SGK1: variants seen among roughly 807,000 people sequenced by gnomAD.
SGK1 encodes serum/glucocorticoid regulated kinase 1, also known as serine/threonine-protein kinase Sgk1.
SGK1 carries 26 observed loss-of-function variants against 64.2 expected under a neutral mutation model. The observed-to-expected ratio is 0.40, with a 90% CI of 0.30 to 0.56. The LOEUF is 0.56. SGK1 is among the 20% of genes least tolerant of loss of function. SGK1 has a pLI of 0.38. For synonymous variants in SGK1, 265 were observed against 239.7 expected (o/e 1.11, Z -0.98); for missense variants, 519 against 645.6 (o/e 0.80, Z 2.12).
intron 4 of SGK1, 25 bp downstream of exon 4, chr6:134,174,486 T>C: frequency 1.3e-6 from 2 of 1,575,586 alleles, no homozygotes; most frequent in East Asian, 2.2e-5. Context: ...ATACTAGTTA[T>C]TTCCTCAAAT....
Position 134,173,297 on chromosome 6 carries a change from T to C in SGK1, c.679A>G (p.Lys227Glu), listed in dbSNP as rs1775092093. The C allele has an allele frequency of 2.5e-6, 4 of 1,613,796 alleles. No homozygotes were observed. The highest frequency in any genetic ancestry group is 3.4e-6 in the Non-Finnish European group (4 of 1,179,648). The change falls in exon 7 of 14, where the codon AAA (lysine) becomes GAA (glutamate). Residue 227 changes from lysine to glutamate, a missense_variant. By Grantham distance (56) the Lys-to-Glu change is moderately conservative. Coordinates refer to ENST00000367858, the MANE Select transcript of SGK1 (RefSeq NM_001143676.3). ...VFYAVKVLQK[K>E]AILKKKEEKH... is the part of the protein sequence containing the mutation. ...ACCTCTTTCTTTTTCAGGATTGCTT[T>C]CTTCTGTAAAACTTTGACTGCATAG...
At chr6:134,218,461 T>G (rs1159647665) in intron 2 of SGK1, among the ~76,000 whole-genome samples, 1 of 135,912 alleles carries the variant, frequency 7.4e-6, no homozygotes, top group African/African-American at 2.7e-5. Flanking sequence ...TTTGAGAGAG[T>G]CTGGCTCTGT....
intron 2 of SGK1, among the ~76,000 whole-genome samples, chr6:134,219,975 C>T (rs1377053297): frequency 4.7e-5 from 6 of 128,946 alleles, no homozygotes; most frequent in African/African-American, 1.2e-4. Flanking sequence ...AGGAGAATGG[C>T]GTTAACCCGG....
At chr6:134,206,383 ATTTTTTTTTTTTTTTTTTT>A (rs869072819) in intron 3 of SGK1, among the ~76,000 whole-genome samples, 2 of 16,614 alleles carry the variant, frequency 1.2e-4, no homozygotes, top group African/African-American at 3.8e-4. Flanking sequence ...ATATATATAT[ATTTTTTTTTTTTTTTTTTT>A]TTTTTAAATG....
chr6:134,271,779 G>A (rs1442650993), intron 1 of SGK1, among the ~76,000 whole-genome samples: 2 of 147,724 alleles, frequency 1.4e-5, no homozygotes, highest in Non-Finnish European at 3.0e-5. Context: ...TCACCCTCCA[G>A]TAGACCCCAG....
At chr6:134,197,188 G>A (rs374664010) in intron 3 of SGK1, among the ~76,000 whole-genome samples, 23 of 152,206 alleles carry the variant, frequency 1.5e-4, no homozygotes, top group Middle Eastern at 6.8e-3. Context: ...AGCCGTGATC[G>A]CACTACCGCA....
chr6:134,172,816 T>C (rs755815646), intron 8 of SGK1, 42 bp from the exon 9 acceptor site: 4 of 1,437,180 alleles, frequency 2.8e-6, no homozygotes, highest in Non-Finnish European at 2.9e-6. Context: ...TGCAAATGAA[T>C]TTAATTAGTT....
At chr6:134,296,777 A>G (rs1777354547) in intron 1 of SGK1, among the ~76,000 whole-genome samples, 2 of 67,548 alleles carry the variant, frequency 3.0e-5, no homozygotes, top group South Asian at 4.4e-4. Context: ...ATTTTGGACC[A>G]AAAAAAAAAA....
At chr6:134,298,282 A>G in intron 1 of SGK1, 6 of 1,556,800 alleles carry the variant, frequency 3.9e-6, no homozygotes, top group East Asian at 2.2e-5. Context: ...GCTCTCGAAC[A>G]TGTTGTCCAT....
In SGK1 at chr6:134,251,899, T is replaced by C. The variant is rs151164203; in HGVS notation, c.285+10034A>G. 3.2e-3 allele frequency among the ~76,000 whole-genome samples: 487 copies of C among 152,170 alleles called. 1 individual carries two copies. Among genetic ancestry groups the C allele is most frequent in the African/African-American group, 9.2e-3 (380 of 41,524 alleles). On this transcript the variant is annotated intron_variant, in intron 2 of 13. Transcript: ENST00000367858. ...CCTCCCGAGTAGCTGGGACTACAGG[T>C]GGGTGCCATCACGCCTGGCTAATTT...
chr6:134,303,772 C>T (rs1777493527), intron 1 of SGK1, among the ~76,000 whole-genome samples: 1 of 148,722 alleles, frequency 6.7e-6, no homozygotes, highest in Non-Finnish European at 1.5e-5. Context: ...CGACACAGCA[C>T]GATTCTGTCT....
At chr6:134,272,292 C>T (rs888334371) in intron 1 of SGK1, among the ~76,000 whole-genome samples, 1 of 142,250 alleles carries the variant, frequency 7.0e-6, no homozygotes, top group African/African-American at 2.5e-5. Flanking sequence ...AAGTGTGCAC[C>T]ACCATGACCA....
chr6:134,227,478 A>C (rs1776203086), intron 2 of SGK1, among the ~76,000 whole-genome samples: 1 of 152,204 alleles, frequency 6.6e-6, no homozygotes, highest in African/African-American at 2.4e-5. Context: ...TATCTGAAGG[A>C]CTAATGCAAG....
chr6:134,279,908 C>G (rs1777068880), intron 1 of SGK1, among the ~76,000 whole-genome samples: 1 of 152,066 alleles, frequency 6.6e-6, no homozygotes, highest in Non-Finnish European at 1.5e-5. Flanking sequence ...TTGGGAAAAG[C>G]TGGGTGTGGT....
intron 3 of SGK1, chr6:134,176,020 T>G: frequency 9.8e-7 from 1 of 1,017,228 alleles, no homozygotes; most frequent in Non-Finnish European, 1.2e-6. Context: ...TGAAGTAATC[T>G]CTGAGAACAT....
chr6:134,231,931 C>T (rs1056149895), intron 2 of SGK1, among the ~76,000 whole-genome samples: 1 of 150,418 alleles, frequency 6.6e-6, no homozygotes, highest in African/African-American at 2.5e-5. Context: ...TCCAGCTACC[C>T]AGGAGGTTGA....
chr6:134,220,709 TCAA>T (rs765519135), intron 2 of SGK1, among the ~76,000 whole-genome samples: 7 of 148,416 alleles, frequency 4.7e-5, no homozygotes, highest in Non-Finnish European at 1.0e-4. Context: ...TTTTGTACCA[TCAA>T]CATGTCAACA....
At chr6:134,300,053 C>T (rs1444888489) in intron 1 of SGK1, among the ~76,000 whole-genome samples, 1 of 152,112 alleles carries the variant, frequency 6.6e-6, no homozygotes, top group Non-Finnish European at 1.5e-5. Context: ...TCATATTTGC[C>T]ATTTCTCTAT....
intron 3 of SGK1, chr6:134,174,878 C>T: frequency 1.2e-6 from 2 of 1,604,632 alleles, no homozygotes; most frequent in Non-Finnish European, 1.7e-6. Context: ...CCAGGCCGCG[C>T]GCTCGGCCTT....
Sources: gnomAD v4.1 joint callset for allele counts (sites outside exome capture counted in the v4.1 genomes callset) on GRCh38, gnomAD v4.1.1 for gene constraint, MANE v1.5 for transcripts, NCBI Gene and HGNC (gene_info 2026-07-23, HGNC 2026-07-21) for gene names.